The following SAMD5 variants were observed in gnomAD, a reference collection of about 807,000 sequenced individuals.
SAMD5 encodes sterile alpha motif domain-containing protein 5.
SAMD5 carries 13 observed loss-of-function variants against 11.3 expected under a neutral mutation model. The observed-to-expected ratio is 1.15, with a 90% CI of 0.75 to 1.83. The LOEUF is 1.83. SAMD5 is among the 40% of genes most tolerant of loss of function. The pLI, the probability that SAMD5 is intolerant of heterozygous loss-of-function variation, is 0.00. For missense variants in SAMD5, 255 were observed against 239.1 expected, an observed-to-expected ratio of 1.07 and a Z score of -0.44; for synonymous variants, 129 against 111.3, an observed-to-expected ratio of 1.16 and a Z score of -1.00.
chr6:147,749,748 G>C, the SAMD5 span, among the ~76,000 whole-genome samples: 2 of 152,100 alleles, frequency 1.3e-5, no homozygotes, highest in African/African-American at 4.8e-5. Context: ...GGGCATCTTG[G>C]TATTCATTTG....
the SAMD5 span, among the ~76,000 whole-genome samples, chr6:147,918,088 C>G: frequency 6.6e-6 from 1 of 152,016 alleles, no homozygotes; most frequent in African/African-American, 2.4e-5. Context: ...TTTTCCAATT[C>G]TTTGAAGAAA....
chr6:147,633,374 G>A (rs571377839), intron 1 of SAMD5, among the ~76,000 whole-genome samples: 171 of 152,136 alleles, frequency 1.1e-3, no homozygotes, highest in African/African-American at 3.7e-3. Flanking sequence ...TTTGGGCTGC[G>A]GTTTCTTATT....
At chr6:147,940,827 T>C in the SAMD5 span, among the ~76,000 whole-genome samples, 1 of 152,138 alleles carries the variant, frequency 6.6e-6, no homozygotes, top group Non-Finnish European at 1.5e-5. Context: ...CCGGGCATGA[T>C]GGTGCATGCC....
At chr6:147,886,291 AAG>A in the SAMD5 span, among the ~76,000 whole-genome samples, 1 of 152,200 alleles carries the variant, frequency 6.6e-6, no homozygotes, top group Non-Finnish European at 1.5e-5. Context: ...TGAAACAAAA[AAG>A]AGCAACGCAA....
the SAMD5 span, among the ~76,000 whole-genome samples, chr6:147,943,385 A>G: frequency 0.77 from 116,830 of 151,474 alleles, 45,588 homozygotes; most frequent in Non-Finnish European, 0.84. Flanking sequence ...AACCTTGCAC[A>G]ACTCATTTCT....
downstream of SAMD5, among the ~76,000 whole-genome samples, chr6:147,572,539 GAT>G (rs1789152377): frequency 6.6e-6 from 1 of 152,118 alleles, no homozygotes. Context: ...GCAGTGGTAT[GAT>G]CGTGGCTCAC....
At chr6:147,936,876 C>A in the SAMD5 span, among the ~76,000 whole-genome samples, 42 of 151,972 alleles carry the variant, frequency 2.8e-4, no homozygotes, top group Admixed American at 8.5e-4. Flanking sequence ...TAGGAAAGTA[C>A]CTTTATGTGA....
the SAMD5 span, among the ~76,000 whole-genome samples, chr6:147,785,212 T>C: frequency 1.3e-5 from 2 of 152,134 alleles, no homozygotes; most frequent in Non-Finnish European, 1.5e-5. Flanking sequence ...AGTTAGAAAA[T>C]GAAAAGTACT....
chr6:147,799,708 G>A, the SAMD5 span, among the ~76,000 whole-genome samples: 57,057 of 149,230 alleles, frequency 0.38, 12,812 homozygotes, highest in African/African-American at 0.63. Flanking sequence ...AGGTACACCA[G>A]TCAGACGTAG....
chr6:147,731,467 TC>T (rs1427153661), intron 1 of SAMD5, among the ~76,000 whole-genome samples: 3 of 152,148 alleles, frequency 2.0e-5, no homozygotes, highest in African/African-American at 7.2e-5. Context: ...GACTTAATTT[TC>T]TTTTAGTAGC....
chr6:147,539,724 A>G (rs1788569578), intron 1 of SAMD5, among the ~76,000 whole-genome samples: 1 of 152,076 alleles, frequency 6.6e-6, no homozygotes, highest in African/African-American at 2.4e-5. Flanking sequence ...AATGGAGAAA[A>G]ATAATTCAAT....
At chr6:147,744,043 C>T in the SAMD5 span, among the ~76,000 whole-genome samples, 2 of 152,174 alleles carry the variant, frequency 1.3e-5, no homozygotes, top group African/African-American at 2.4e-5. Context: ...CTCAGAGTCA[C>T]GTAACTAATG....
chr6:147,734,340 G>A (rs1791759759), intron 1 of SAMD5, among the ~76,000 whole-genome samples: 1 of 152,132 alleles, frequency 6.6e-6, no homozygotes, highest in Non-Finnish European at 1.5e-5. Context: ...TTGACTCAGG[G>A]ATCTAAGACA....
intron 1 of SAMD5, among the ~76,000 whole-genome samples, chr6:147,660,409 G>C (rs1386579404): frequency 6.6e-6 from 1 of 152,074 alleles, no homozygotes; most frequent in African/African-American, 2.4e-5. Flanking sequence ...CAGCCACCCT[G>C]CTTCCCTACC....
At chr6:147,824,164 G>A in the SAMD5 span, among the ~76,000 whole-genome samples, 2 of 152,152 alleles carry the variant, frequency 1.3e-5, no homozygotes, top group Non-Finnish European at 2.9e-5. Flanking sequence ...TAGTCTGCCA[G>A]CTTTTAAATT....
the SAMD5 span, among the ~76,000 whole-genome samples, chr6:147,771,947 T>A: frequency 6.6e-6 from 1 of 152,190 alleles, no homozygotes; most frequent in African/African-American, 2.4e-5. Context: ...AAGTGCTCAA[T>A]AAACATTTAC....
the SAMD5 span, among the ~76,000 whole-genome samples, chr6:147,784,943 G>T: frequency 6.6e-6 from 1 of 152,046 alleles, no homozygotes; most frequent in African/African-American, 2.4e-5. Flanking sequence ...TCATTCAAAT[G>T]CTAAACCAGC....
the SAMD5 span, among the ~76,000 whole-genome samples, chr6:147,859,243 A>C: frequency 6.6e-6 from 1 of 152,182 alleles, no homozygotes; most frequent in African/African-American, 2.4e-5. Flanking sequence ...GTGATTTACT[A>C]TATAGCCTGT....
chr6:147,550,322 A>G (rs1218482453), intron 1 of SAMD5, among the ~76,000 whole-genome samples: 2 of 152,216 alleles, frequency 1.3e-5, no homozygotes, highest in African/African-American at 2.4e-5. Flanking sequence ...AAATTAGTAC[A>G]ATCTCTATGG....
Sources: allele counts gnomAD v4.1 joint callset (sites outside exome capture counted in the v4.1 genomes callset), GRCh38; gene constraint gnomAD v4.1.1; transcripts MANE v1.5; gene names NCBI Gene and HGNC (gene_info 2026-07-23, HGNC 2026-07-21).